The following MTREX variants were observed in gnomAD, a reference collection of about 807,000 sequenced individuals.
MTREX encodes exosome RNA helicase MTR4.
A neutral mutation model predicts 135.4 loss-of-function variants in MTREX; 76 were observed. That is an observed-to-expected ratio of 0.56 (90% confidence interval 0.47 to 0.68). The LOEUF (loss-of-function observed/expected upper bound fraction) is 0.68, where lower values mean the gene tolerates loss of function less well. Among genes scored for constraint, MTREX ranks in the 30% least tolerant of loss-of-function variants. MTREX has a pLI of 0.00. For missense variants in MTREX, 920 were observed against 1,262.1 expected (o/e 0.73, Z 4.11); for synonymous variants, 404 against 401.6 (o/e 1.01, Z -0.07).
At chr5:55,333,468 A>G (rs955014353) in intron 5 of MTREX, among the ~76,000 whole-genome samples, 1 of 152,198 alleles carries the variant, frequency 6.6e-6, no homozygotes, top group Non-Finnish European at 1.5e-5. Context: ...TAAAGCCAGC[A>G]TATGTATAAT....
chr5:55,336,220 T>C (rs1409674160), intron 5 of MTREX, among the ~76,000 whole-genome samples: 4 of 152,184 alleles, frequency 2.6e-5, no homozygotes, highest in African/African-American at 9.7e-5. Flanking sequence ...TTTCAATATG[T>C]GTGTCTTATT....
intron 19 of MTREX, among the ~76,000 whole-genome samples, chr5:55,394,509 A>G (rs964405476): frequency 2.0e-5 from 3 of 152,154 alleles, no homozygotes; most frequent in Admixed American, 6.5e-5. Context: ...AGGTCATCAG[A>G]CCTTAGATTC....
intron 1 of MTREX, among the ~76,000 whole-genome samples, chr5:55,319,905 A>G (rs1005268214): frequency 7.9e-5 from 12 of 152,194 alleles, no homozygotes; most frequent in African/African-American, 2.4e-5. Flanking sequence ...TCCTAATAGA[A>G]TGTTTTAAAT....
chr5:55,362,933 A>G (rs1323985272), intron 15 of MTREX, among the ~76,000 whole-genome samples: 6 of 152,190 alleles, frequency 3.9e-5, no homozygotes, highest in South Asian at 2.1e-4. Context: ...AGTAAATGTT[A>G]TTATTGGTTT....
chr5:55,403,228 A>C (rs1207515609), intron 21 of MTREX, among the ~76,000 whole-genome samples: 1 of 152,046 alleles, frequency 6.6e-6, no homozygotes, highest in African/African-American at 2.4e-5. Flanking sequence ...ACAAAAAAAA[A>C]GTGTACATGT....
At chr5:55,395,302 A>T (rs770459675) in intron 19 of MTREX, among the ~76,000 whole-genome samples, 3 of 152,038 alleles carry the variant, frequency 2.0e-5, no homozygotes, top group Non-Finnish European at 4.4e-5. Context: ...GCTACTCAGG[A>T]GGCTGAGGCA....
chr5:55,404,568 A>G (rs935765004), intron 21 of MTREX, among the ~76,000 whole-genome samples: 56 of 152,010 alleles, frequency 3.7e-4, no homozygotes, highest in Admixed American at 3.7e-3. Context: ...TCTCTAAGCT[A>G]CCCCCTGATG....
intron 18 of MTREX, among the ~76,000 whole-genome samples, chr5:55,379,477 A>G (rs537192544): frequency 4.6e-4 from 70 of 151,710 alleles, no homozygotes; most frequent in African/African-American, 1.6e-3. Context: ...GAGCCACCGC[A>G]CCAAGCCAGT....
Position 55,328,820 on chromosome 5 carries a change from C to A in MTREX, c.515+9C>A. ...AAAACAGTATGCGCCGAGTGAGTAG[C>A]TTCCTTTTTAAAGTCACTTTGTTTC... On this transcript the variant is annotated intron_variant, in intron 5 of 26. Transcript: ENST00000230640. The A allele has an allele frequency of 6.5e-7, 1 of 1,534,640 alleles. No homozygotes were observed. Among genetic ancestry groups the A allele is most frequent in the Non-Finnish European group, 9.0e-7 (1 of 1,114,872 alleles).
chr5:55,423,142 G>A, intron 26 of MTREX, 160 bp downstream of exon 26: 1 of 603,804 alleles, frequency 1.7e-6, no homozygotes, highest in Non-Finnish European at 2.9e-6. Context: ...GTGTGTTGGG[G>A]GAAAAGTTGA....
chr5:55,381,353 A>G (rs1750394155), intron 18 of MTREX, among the ~76,000 whole-genome samples: 1 of 152,128 alleles, frequency 6.6e-6, no homozygotes, highest in Non-Finnish European at 1.5e-5. Flanking sequence ...TTAACTTGAG[A>G]TACCTCTTCT....
At chr5:55,354,192 A>G (rs550326609) in intron 14 of MTREX, among the ~76,000 whole-genome samples, 1 of 152,340 alleles carries the variant, frequency 6.6e-6, no homozygotes, top group Admixed American at 6.5e-5. Flanking sequence ...TTCTCTTGAC[A>G]GATATACAAT....
At chr5:55,346,159 A>G (rs1356779457) in intron 10 of MTREX, among the ~76,000 whole-genome samples, 2 of 152,194 alleles carry the variant, frequency 1.3e-5, no homozygotes, top group Non-Finnish European at 2.9e-5. Context: ...TTGTGTGAAT[A>G]GGTGTTTTCC....
chr5:55,411,474 G>A (rs1268496747), intron 23 of MTREX, among the ~76,000 whole-genome samples: 1 of 151,806 alleles, frequency 6.6e-6, no homozygotes, highest in Non-Finnish European at 1.5e-5. Flanking sequence ...TTAAATCTTG[G>A]GGCAAGATGT....
At chr5:55,389,026 CTG>C (rs1445841714) in intron 19 of MTREX, among the ~76,000 whole-genome samples, 2 of 152,114 alleles carry the variant, frequency 1.3e-5, no homozygotes, top group Non-Finnish European at 2.9e-5. Flanking sequence ...AGACAATTCA[CTG>C]TAACATTTTT....
intron 14 of MTREX, among the ~76,000 whole-genome samples, chr5:55,358,031 T>C (rs1749949191): frequency 6.6e-6 from 1 of 152,224 alleles, no homozygotes; most frequent in Admixed American, 6.5e-5. Context: ...TTTGAGTCAT[T>C]GCATTCTTAG....
intron 18 of MTREX, among the ~76,000 whole-genome samples, chr5:55,386,928 G>C (rs753754057): frequency 7.2e-5 from 11 of 152,140 alleles, no homozygotes; most frequent in Non-Finnish European, 1.6e-4. Flanking sequence ...AGACTTGATA[G>C]TTGATCATAG....
intron 22 of MTREX, among the ~76,000 whole-genome samples, chr5:55,408,533 G>T (rs1231990583): frequency 6.6e-6 from 1 of 152,096 alleles, no homozygotes; most frequent in Non-Finnish European, 1.5e-5. Context: ...TATTTTAACT[G>T]TTAGTAAAGA....
intron 23 of MTREX, among the ~76,000 whole-genome samples, chr5:55,410,972 A>G (rs948432389): frequency 1.3e-5 from 2 of 152,188 alleles, no homozygotes; most frequent in Middle Eastern, 3.2e-3. Context: ...TGATAAAAAT[A>G]AAAGGGGGAA....
Sources: gnomAD v4.1 joint callset for allele counts (sites outside exome capture counted in the v4.1 genomes callset) on GRCh38, gnomAD v4.1.1 for gene constraint, MANE v1.5 for transcripts, NCBI Gene and HGNC (gene_info 2026-07-23, HGNC 2026-07-21) for gene names.